Variants in IMMP2L observed in about 807,000 individuals in gnomAD.
The protein encoded by IMMP2L is mitochondrial inner membrane protease subunit 2.
IMMP2L carries 18 observed loss-of-function variants against 19.3 expected under a neutral mutation model. The ratio of observed to expected loss-of-function variants is 0.93; its 90% CI spans 0.64 to 1.38. The LOEUF (loss-of-function observed/expected upper bound fraction) is 1.38. Ranked by LOEUF, IMMP2L falls within the 40% of genes most tolerant of loss-of-function variation. The pLI, the probability that IMMP2L is intolerant of heterozygous loss-of-function variation, is 0.00. For missense variants in IMMP2L, 233 were observed against 218.2 expected, an observed-to-expected ratio of 1.07 and a Z score of -0.43; for synonymous variants, 76 against 73.0, an observed-to-expected ratio of 1.04 and a Z score of -0.21.
intron 5 of IMMP2L, among the ~76,000 whole-genome samples, chr7:110,879,387 C>CAA (rs35022284): frequency 4.1e-4 from 58 of 142,202 alleles, no homozygotes; most frequent in Middle Eastern, 3.5e-3. Flanking sequence ...GAATCTATCT[C>CAA]AAAAAAAAAA....
At chr7:111,082,992 T>C (rs922020896) in intron 3 of IMMP2L, among the ~76,000 whole-genome samples, 8 of 152,350 alleles carry the variant, frequency 5.3e-5, no homozygotes, top group African/African-American at 1.9e-4. Flanking sequence ...TTTCCAGTTT[T>C]CTGCATAACA....
At chr7:111,436,033 T>C (rs1837130118) in intron 3 of IMMP2L, among the ~76,000 whole-genome samples, 3 of 151,752 alleles carry the variant, frequency 2.0e-5, no homozygotes, top group Non-Finnish European at 4.4e-5. Context: ...CCAGGTGTCC[T>C]GCCAGACCTC....
chr7:110,850,242 C>G (rs1472657381), intron 5 of IMMP2L, among the ~76,000 whole-genome samples: 1 of 151,876 alleles, frequency 6.6e-6, no homozygotes, highest in Non-Finnish European at 1.5e-5. Context: ...GCAAAAAAAC[C>G]AAGTAGGAAC....
At chr7:111,493,331 G>C (rs1426292979) in intron 2 of IMMP2L, among the ~76,000 whole-genome samples, 1 of 152,068 alleles carries the variant, frequency 6.6e-6, no homozygotes, top group Admixed American at 6.5e-5. Flanking sequence ...AAACCTTCTT[G>C]AATTGGGAAG....
At chr7:111,039,097 G>C (rs1321793881) in intron 3 of IMMP2L, among the ~76,000 whole-genome samples, 2 of 151,896 alleles carry the variant, frequency 1.3e-5, no homozygotes, top group Non-Finnish European at 2.9e-5. Context: ...AGAATAGAAT[G>C]GTCTGCTTTG....
At chr7:111,291,101 A>C (rs1213359636) in intron 3 of IMMP2L, among the ~76,000 whole-genome samples, 1 of 152,134 alleles carries the variant, frequency 6.6e-6, no homozygotes, top group Non-Finnish European at 1.5e-5. Context: ...CTCCCTTAAA[A>C]TCCAAATGAG....
intron 3 of IMMP2L, among the ~76,000 whole-genome samples, chr7:111,241,847 T>TG (rs2096396926): frequency 6.6e-6 from 1 of 151,690 alleles, no homozygotes; most frequent in South Asian, 2.1e-4. Context: ...TACATTACAG[T>TG]GGGAAAAAAA....
intron 3 of IMMP2L, among the ~76,000 whole-genome samples, chr7:111,015,476 C>T (rs1365126190): frequency 6.6e-6 from 1 of 151,984 alleles, no homozygotes; most frequent in East Asian, 1.9e-4. Flanking sequence ...TTCTGCAGAC[C>T]TGTTTTAAAA....
At chr7:111,488,249 T>C (rs944404495) in intron 2 of IMMP2L, among the ~76,000 whole-genome samples, 4 of 152,162 alleles carry the variant, frequency 2.6e-5, no homozygotes, top group African/African-American at 9.7e-5. Context: ...AGTTAAGTTC[T>C]TCAGCAGTGA....
chr7:111,196,092 T>G (rs1015952073), intron 3 of IMMP2L, among the ~76,000 whole-genome samples: 1 of 152,094 alleles, frequency 6.6e-6, no homozygotes, highest in African/African-American at 2.4e-5. Flanking sequence ...CAGACTGGTC[T>G]TGAACTACTT....
intron 3 of IMMP2L, among the ~76,000 whole-genome samples, chr7:110,998,781 C>A (rs1053811514): frequency 2.0e-5 from 3 of 152,072 alleles, no homozygotes; most frequent in African/African-American, 7.2e-5. Context: ...AGAAAACGGG[C>A]ACAGTGTAAT....
chr7:110,906,354 C>A (rs1255824806), intron 4 of IMMP2L, among the ~76,000 whole-genome samples: 1 of 152,138 alleles, frequency 6.6e-6, no homozygotes, highest in African/African-American at 2.4e-5. Context: ...AGGTCACAGA[C>A]CTCAGACAAA....
chr7:111,500,488 G>A lies in IMMP2L; in HGVS notation c.136-13147C>T, dbSNP rs534492867. On this transcript the variant is annotated intron_variant, in intron 2 of 5. Coordinates refer to ENST00000405709, the MANE Select transcript of IMMP2L (RefSeq NM_032549.4). ...TCTCCCAGCACACAGCTGGAGATCT[G>A]AGAAAGGGCAGACTGCCTCCTCAAG... 2.6e-5 allele frequency among the ~76,000 whole-genome samples: 4 copies of A among 152,302 alleles called. No homozygotes were observed. The East Asian group carries it at 5.8e-4, about 22-fold the overall frequency.
chr7:111,543,985 A>G (rs1249422516), intron 1 of IMMP2L, among the ~76,000 whole-genome samples: 1 of 152,184 alleles, frequency 6.6e-6, no homozygotes, highest in East Asian at 1.9e-4. Flanking sequence ...AGAATTAGGA[A>G]GAAAAAGAGA....
chr7:110,862,221 T>A (rs551318465), intron 5 of IMMP2L, among the ~76,000 whole-genome samples: 2,112 of 151,772 alleles, frequency 0.014, 38 homozygotes, highest in African/African-American at 0.045. Context: ...CAATTTTTTT[T>A]AATATATTTT....
chr7:111,328,064 T>G (rs1005723881), intron 3 of IMMP2L, among the ~76,000 whole-genome samples: 1 of 151,786 alleles, frequency 6.6e-6, no homozygotes, highest in South Asian at 2.1e-4. Context: ...CAAAACCACA[T>G]GACCTCTCAG....
intron 3 of IMMP2L, among the ~76,000 whole-genome samples, chr7:111,040,019 G>A (rs1223372849): frequency 6.6e-6 from 1 of 152,164 alleles, no homozygotes; most frequent in Non-Finnish European, 1.5e-5. Flanking sequence ...ACAAAAATTA[G>A]CTGGGCGTGG....
chr7:111,384,207 G>T (rs1278514506), intron 3 of IMMP2L, among the ~76,000 whole-genome samples: 1 of 149,386 alleles, frequency 6.7e-6, no homozygotes, highest in African/African-American at 2.5e-5. Context: ...AGAAAGGAGA[G>T]AAGAGAGAGG....
chr7:111,400,350 A>C (rs547439294), intron 3 of IMMP2L, among the ~76,000 whole-genome samples: 25 of 152,322 alleles, frequency 1.6e-4, no homozygotes, highest in Admixed American at 1.2e-3. Flanking sequence ...TGAACAATTC[A>C]GAAATCAGTA....
Sources: gnomAD v4.1 joint callset for allele counts (sites outside exome capture counted in the v4.1 genomes callset) on GRCh38, gnomAD v4.1.1 for gene constraint, MANE v1.5 for transcripts, NCBI Gene and HGNC (gene_info 2026-07-23, HGNC 2026-07-21) for gene names.